BMERB1: variants seen among roughly 807,000 people sequenced by gnomAD.
BMERB1 encodes the protein bMERB domain-containing protein 1.
In BMERB1, 12 loss-of-function variants were observed where a neutral mutation model predicts 23.6. The ratio of observed to expected loss-of-function variants is 0.51; its 90% CI spans 0.33 to 0.82. BMERB1 has a LOEUF of 0.82. BMERB1 is among the 40% of genes least tolerant of loss of function. The probability of loss-of-function intolerance (pLI) is 0.03; values close to 1 mark genes in which losing one functional copy is unlikely to be tolerated. For missense variants in BMERB1, 247 were observed against 255.4 expected, an observed-to-expected ratio of 0.97 and a Z score of 0.22; for synonymous variants, 122 against 96.6, an observed-to-expected ratio of 1.26 and a Z score of -1.54.
At chr16:15,532,889 G>T (rs893433096) in intron 2 of BMERB1, 16 of 415,590 alleles carry the variant, frequency 3.8e-5, no homozygotes, top group East Asian at 2.9e-4. Context: ...CTTGGATGGG[G>T]TTGCTTTCTG....
At chr16:15,492,931 A>C (rs529511882) in intron 1 of BMERB1, among the ~76,000 whole-genome samples, 1 of 151,856 alleles carries the variant, frequency 6.6e-6, no homozygotes, top group African/African-American at 2.4e-5. Context: ...AAAAAAAGAA[A>C]AAAAAGAAGA....
chr16:15,544,582 C>G (rs1437041391), intron 2 of BMERB1, among the ~76,000 whole-genome samples: 1 of 152,238 alleles, frequency 6.6e-6, no homozygotes, highest in East Asian at 1.9e-4. Flanking sequence ...CAGCCGGGAG[C>G]TGGCTTGACA....
chr16:15,544,344 G>T (rs2150963940), intron 2 of BMERB1, among the ~76,000 whole-genome samples: 1 of 152,290 alleles, frequency 6.6e-6, no homozygotes, highest in Middle Eastern at 3.4e-3. Flanking sequence ...ACTTCAGCAT[G>T]ATCTTAATAA....
At chr16:15,474,469 A>G (rs1438692203) in intron 1 of BMERB1, among the ~76,000 whole-genome samples, 1 of 152,102 alleles carries the variant, frequency 6.6e-6, no homozygotes, top group Non-Finnish European at 1.5e-5. Flanking sequence ...GGCTCAAGTG[A>G]TCTGCCTGCC....
intron 3 of BMERB1, among the ~76,000 whole-genome samples, chr16:15,573,959 AACTC>A (rs2030796329): frequency 7.4e-6 from 1 of 135,172 alleles, no homozygotes; most frequent in African/African-American, 2.9e-5. Flanking sequence ...GATCTCATGG[AACTC>A]ACTCACTATC....
chr16:15,446,626 G>A (rs917900841), intron 1 of BMERB1, among the ~76,000 whole-genome samples: 1 of 152,190 alleles, frequency 6.6e-6, no homozygotes, highest in African/African-American at 2.4e-5. Context: ...GTAGGGCTGA[G>A]ATTTGAACCT....
intron 2 of BMERB1, among the ~76,000 whole-genome samples, chr16:15,557,148 G>A (rs1195823105): frequency 6.6e-6 from 1 of 152,068 alleles, no homozygotes; most frequent in Admixed American, 6.6e-5. Context: ...CGCACCCAAC[G>A]CTGATAAAAA....
At chr16:15,529,613 A>G (rs1005818900) in intron 2 of BMERB1, among the ~76,000 whole-genome samples, 2 of 152,162 alleles carry the variant, frequency 1.3e-5, no homozygotes, top group African/African-American at 4.8e-5. Context: ...TTTCACTCCC[A>G]AAAATGTTGA....
At chr16:15,482,496 G>A (rs1232666410) in intron 1 of BMERB1, among the ~76,000 whole-genome samples, 1 of 152,070 alleles carries the variant, frequency 6.6e-6, no homozygotes, top group Non-Finnish European at 1.5e-5. Flanking sequence ...GAGGAGCCTG[G>A]TGTGGAGGGT....
intron 1 of BMERB1, among the ~76,000 whole-genome samples, chr16:15,505,883 G>A (rs553041475): frequency 7.4e-6 from 1 of 134,394 alleles, no homozygotes; most frequent in Non-Finnish European, 1.5e-5. Flanking sequence ...GCGAGACGCC[G>A]TTTCAAAAAA....
intron 1 of BMERB1, among the ~76,000 whole-genome samples, chr16:15,438,456 T>C (rs2050907357): frequency 7.1e-6 from 1 of 141,682 alleles, no homozygotes; most frequent in South Asian, 2.3e-4. Flanking sequence ...AGTTTTATTT[T>C]CTAGACTATT....
rs529842857 is a variant in BMERB1 at position 15,499,812 on chromosome 16, C to T, written c.107-15493C>T. 5.3e-5 allele frequency among the ~76,000 whole-genome samples: 8 copies of T among 152,288 alleles called. No homozygotes were observed. In the East Asian group the frequency reaches 7.7e-4, roughly 15 times the overall value. ...CGCCTCTTGCGGGAAGATGTCGCAG[C>T]ATTATTATTTAATAACCCGTGTCTT... On this transcript the variant is annotated intron_variant, in intron 1 of 5. Coordinates refer to ENST00000300006, the MANE Select transcript of BMERB1 (RefSeq NM_033201.3).
At chr16:15,506,325 G>A (rs867842545) in intron 1 of BMERB1, among the ~76,000 whole-genome samples, 14 of 151,746 alleles carry the variant, frequency 9.2e-5, no homozygotes, top group Non-Finnish European at 1.2e-4. Flanking sequence ...ACAGGTGCCC[G>A]CCACCACGCC....
intron 1 of BMERB1, among the ~76,000 whole-genome samples, chr16:15,487,316 A>C (rs1180257489): frequency 6.6e-6 from 1 of 152,202 alleles, no homozygotes; most frequent in African/African-American, 2.4e-5. Context: ...TGCCAGCATA[A>C]GATTGAAATT....
intron 2 of BMERB1, among the ~76,000 whole-genome samples, chr16:15,542,872 T>A (rs1182024269): frequency 1.3e-5 from 2 of 151,982 alleles, no homozygotes; most frequent in Non-Finnish European, 2.9e-5. Context: ...CTGGGGTGAG[T>A]GCTTTTGGGC....
chr16:15,538,205 C>A (rs1190358513), intron 2 of BMERB1, among the ~76,000 whole-genome samples: 2 of 152,198 alleles, frequency 1.3e-5, no homozygotes, highest in Non-Finnish European at 2.9e-5. Flanking sequence ...GGAATCCCAG[C>A]CCTTTGGGAG....
At chr16:15,525,050 C>T (rs1016619623) in intron 2 of BMERB1, among the ~76,000 whole-genome samples, 1 of 152,050 alleles carries the variant, frequency 6.6e-6, no homozygotes, top group Non-Finnish European at 1.5e-5. Flanking sequence ...AAAGATTCTT[C>T]GATGTATGTG....
At chr16:15,452,544 C>T (rs1458711872) in intron 1 of BMERB1, among the ~76,000 whole-genome samples, 4 of 152,058 alleles carry the variant, frequency 2.6e-5, no homozygotes, top group African/African-American at 7.2e-5. Flanking sequence ...AAGATCTCTG[C>T]GTTAACCAGA....
At chr16:15,464,182 G>A (rs910710089) in intron 1 of BMERB1, among the ~76,000 whole-genome samples, 3 of 151,832 alleles carry the variant, frequency 2.0e-5, no homozygotes, top group Admixed American at 6.6e-5. Context: ...GTGTGGTGGT[G>A]GGCGACTGTA....
Sources: allele counts gnomAD v4.1 joint callset (sites outside exome capture counted in the v4.1 genomes callset), GRCh38; gene constraint gnomAD v4.1.1; transcripts MANE v1.5; gene names NCBI Gene and HGNC (gene_info 2026-07-23, HGNC 2026-07-21).